GRIN2A: variants seen among roughly 807,000 people sequenced by gnomAD.
The protein encoded by GRIN2A is glutamate receptor ionotropic, NMDA 2A.
A neutral mutation model predicts 113.4 loss-of-function variants in GRIN2A; 22 were observed. That is an observed-to-expected ratio of 0.19 (90% CI 0.14 to 0.28). The LOEUF is 0.28. GRIN2A is among the 10% of genes least tolerant of loss of function. GRIN2A has a pLI of 1.00. For synonymous variants in GRIN2A, 827 were observed against 738.4 expected, an observed-to-expected ratio of 1.12 and a Z score of -1.94; for missense variants, 1,502 against 1,887.0, an observed-to-expected ratio of 0.80 and a Z score of 3.78.
chr16:10,146,342 T>C (rs1026318607), intron 2 of GRIN2A, among the ~76,000 whole-genome samples: 2 of 152,108 alleles, frequency 1.3e-5, no homozygotes, highest in African/African-American at 4.8e-5. Flanking sequence ...GGTCTCAAAC[T>C]CCTGACCTCA....
chr16:9,963,053 T>C (rs1351338740), intron 2 of GRIN2A, among the ~76,000 whole-genome samples: 3 of 141,012 alleles, frequency 2.1e-5, no homozygotes, highest in Non-Finnish European at 3.0e-5. Context: ...TTCTCACTCA[T>C]AGGTGGGAAC....
chr16:10,127,146 C>T (rs532541103), intron 2 of GRIN2A, among the ~76,000 whole-genome samples: 12 of 152,048 alleles, frequency 7.9e-5, no homozygotes, highest in African/African-American at 2.4e-4. Flanking sequence ...TTGGGAGAAA[C>T]GCTTGAACCT....
intron 2 of GRIN2A, among the ~76,000 whole-genome samples, chr16:10,039,817 G>C (rs997309005): frequency 7.3e-6 from 1 of 137,218 alleles, no homozygotes; most frequent in African/African-American, 2.8e-5. Context: ...GGGAGAAAGA[G>C]AGAGAGAGAG....
chr16:9,805,557 G>A (rs1418233978), intron 10 of GRIN2A: 1 of 152,192 alleles, frequency 6.6e-6, no homozygotes, highest in Non-Finnish European at 1.5e-5. Flanking sequence ...CTGTGGAACA[G>A]GGAACACAAT....
chr16:10,111,280 A>C, intron 2 of GRIN2A: 1 of 345,454 alleles, frequency 2.9e-6, no homozygotes, highest in Non-Finnish European at 5.6e-6. Flanking sequence ...ATGGGCATTA[A>C]AAATTATGCT....
chr16:9,797,792 G>A (rs1903092973), intron 11 of GRIN2A, among the ~76,000 whole-genome samples: 1 of 152,182 alleles, frequency 6.6e-6, no homozygotes, highest in Non-Finnish European at 1.5e-5. Context: ...GTAGGGGGCT[G>A]TCCTGGACCC....
intron 1 of GRIN2A, among the ~76,000 whole-genome samples, chr16:10,181,201 A>G (rs867985261): frequency 1.3e-4 from 2 of 14,900 alleles, no homozygotes; most frequent in Admixed American, 1.4e-3. Flanking sequence ...ACACACGTGC[A>G]CACACACACG....
intron 4 of GRIN2A, among the ~76,000 whole-genome samples, chr16:9,866,442 T>C (rs1393296023): frequency 6.6e-6 from 1 of 151,842 alleles, no homozygotes; most frequent in African/African-American, 2.4e-5. Context: ...AACACAAATA[T>C]ATAAAGGAGA....
intron 2 of GRIN2A, among the ~76,000 whole-genome samples, chr16:10,040,468 A>G (rs933964370): frequency 1.4e-4 from 21 of 150,644 alleles, no homozygotes; most frequent in Non-Finnish European, 1.5e-5. Flanking sequence ...TCCACGCCAC[A>G]CACAAATACA....
rs748774026 is a variant in GRIN2A at position 9,788,740 on chromosome 16, C to CT, written c.2356+9536dup. 5.7e-3 allele frequency among the ~76,000 whole-genome samples: 594 copies of CT among 104,868 alleles called. 7 individuals carry two copies. Among genetic ancestry groups the CT allele is most frequent in the East Asian group, 0.022 (90 of 4,094 alleles). The allele number at this position is 104,868 out of a possible 152,430, so 68.8% of individuals were successfully genotyped here. ...AACTGGACAACCAACTTTAAGTCTT[C>CT]TTTTTTTTTTTTTTTTTTCTGAGAC... is the stretch of plus-strand genomic sequence containing the variant. On this transcript the variant is annotated intron_variant, in intron 11 of 12. Transcript: ENST00000330684.
rs184201642 is a variant in GRIN2A, at chr16:10,116,623, G to C, written c.414+63375C>G. On this transcript the variant is annotated intron_variant, in intron 2 of 12. Transcript: ENST00000330684. ...TTGGAAGGTGATCACAGGAAGTGTG[G>C]TGAGGAAGTAGAAAAATAAGACAGG... 6.6e-5 allele frequency among the ~76,000 whole-genome samples: 10 copies of C among 152,280 alleles called. No individual in the cohort carries two copies. The East Asian group carries it at 1.9e-3, about 29-fold the overall frequency.
chr16:9,876,687 T>G (rs1285892122), intron 4 of GRIN2A, among the ~76,000 whole-genome samples: 1 of 152,182 alleles, frequency 6.6e-6, no homozygotes, highest in East Asian at 1.9e-4. Flanking sequence ...GAGTCAGTAA[T>G]CAGTGAATGC....
rs1596368500 is a variant in GRIN2A, at chr16:9,757,333, A to C, written c.*5816T>G. 5 of 220,054 alleles carry C rather than the reference A, an allele frequency of 2.3e-5. No homozygotes were observed. In the East Asian group the frequency reaches 2.7e-4, roughly 12 times the overall value. 13.6% of individuals were successfully genotyped at this position (220,054 alleles called of 1,614,324 possible). A position where few individuals can be genotyped will look rare whatever the true frequency, so the allele number is the denominator to read the frequency against. Reference sequence around the variant, plus strand: ...CGGGACCACTAACTCTATTCTCCGGAGTTACTTAAAGGTTTAGGGAAGGAC... The same window carrying C: ...CGGGACCACTAACTCTATTCTCCGGCGTTACTTAAAGGTTTAGGGAAGGAC... On this transcript the variant is annotated 3_prime_UTR_variant, in exon 13 of 13. Transcript: ENST00000330684.
chr16:9,855,337 C>A (rs960066990), intron 4 of GRIN2A, among the ~76,000 whole-genome samples: 3 of 152,254 alleles, frequency 2.0e-5, no homozygotes, highest in African/African-American at 7.2e-5. Flanking sequence ...CAACAAACAT[C>A]TCTTAATGCA....
At chr16:10,012,599 T>C (rs1273834484) in intron 2 of GRIN2A, among the ~76,000 whole-genome samples, 1 of 152,196 alleles carries the variant, frequency 6.6e-6, no homozygotes, top group East Asian at 1.9e-4. Flanking sequence ...CCTGTGAATA[T>C]GTTACCTTAC....
At chr16:9,982,395 C>T (rs150125198) in intron 2 of GRIN2A, among the ~76,000 whole-genome samples, 5 of 152,200 alleles carry the variant, frequency 3.3e-5, no homozygotes, top group South Asian at 2.1e-4. Context: ...AGTTCATTAA[C>T]GTTTGCAATG....
intron 3 of GRIN2A, among the ~76,000 whole-genome samples, chr16:9,896,898 C>T (rs1340901423): frequency 6.6e-6 from 1 of 152,194 alleles, no homozygotes; most frequent in Non-Finnish European, 1.5e-5. Flanking sequence ...TTCCCATTAA[C>T]ACCTGCTGGG....
chr16:9,931,416 C>G lies in GRIN2A; in HGVS notation c.1007+6543G>C, dbSNP rs9933046. ...CCTGGCACCATGCTAAATGTATATA[C>G]TTTAAGATGTTACAAGAAGAAGAGA... On this transcript the variant is annotated intron_variant, in intron 3 of 12. Transcript: ENST00000330684. Among the ~76,000 whole-genome samples, 1,405 of 152,206 alleles carry G rather than the reference C, an allele frequency of 9.2e-3. 19 individuals carry two copies. The highest frequency in any genetic ancestry group is 0.032 in the African/African-American group (1,340 of 41,502).
At chr16:10,174,013 G>A (rs534351796) in intron 2 of GRIN2A, among the ~76,000 whole-genome samples, 31 of 152,212 alleles carry the variant, frequency 2.0e-4, no homozygotes, top group African/African-American at 7.2e-4. Context: ...CAAAAATAGA[G>A]AGTAATCCCT....
Sources: allele counts gnomAD v4.1 joint callset (sites outside exome capture counted in the v4.1 genomes callset), GRCh38; gene constraint gnomAD v4.1.1; transcripts MANE v1.5; gene names NCBI Gene and HGNC (gene_info 2026-07-23, HGNC 2026-07-21).